GRIK4: variants seen among roughly 807,000 people sequenced by gnomAD.
The protein encoded by GRIK4 is glutamate ionotropic receptor kainate type subunit 4, also known as glutamate receptor ionotropic, kainate 4.
In GRIK4, 40 loss-of-function variants were observed where a neutral mutation model predicts 104.9. The observed-to-expected ratio is 0.38, with a 90% confidence interval of 0.30 to 0.50. GRIK4 has a LOEUF of 0.50. Ranked by LOEUF, GRIK4 falls within the 20% of genes least tolerant of loss-of-function variation. The probability of loss-of-function intolerance (pLI) is 0.93; values close to 1 mark genes in which losing one functional copy is unlikely to be tolerated. For missense variants in GRIK4, 1,047 were observed against 1,308.1 expected, an observed-to-expected ratio of 0.80 and a Z score of 3.08; for synonymous variants, 485 against 524.9, an observed-to-expected ratio of 0.92 and a Z score of 1.04.
chr11:120,767,287 C>G (rs1427865959), intron 3 of GRIK4, among the ~76,000 whole-genome samples: 1 of 151,974 alleles, frequency 6.6e-6, no homozygotes, highest in African/African-American at 2.4e-5. Flanking sequence ...TTTGTATTTC[C>G]CTGAGGATAA....
chr11:120,569,626 C>T (rs1948372481), intron 1 of GRIK4, among the ~76,000 whole-genome samples: 1 of 151,946 alleles, frequency 6.6e-6, no homozygotes, highest in Non-Finnish European at 1.5e-5. Flanking sequence ...GAGTAGCTTC[C>T]CTAAAGAGTA....
chr11:120,923,369 G>A (rs1035489588), intron 13 of GRIK4, among the ~76,000 whole-genome samples: 1 of 150,882 alleles, frequency 6.6e-6, no homozygotes, highest in African/African-American at 2.4e-5. Flanking sequence ...CACTTACTGA[G>A]CACTTGCCCC....
Position 120,967,434 on chromosome 11 carries a change from C to T in GRIK4, c.2395+111C>T. 2 of 1,175,176 alleles carry T rather than the reference C, an allele frequency of 1.7e-6. No individual in the cohort carries two copies. The highest frequency in any genetic ancestry group is 1.2e-6 in the Non-Finnish European group (1 of 848,704). The allele number at this position is 1,175,176 out of a possible 1,614,324, so 72.8% of individuals were successfully genotyped here. On this transcript the variant is annotated intron_variant, in intron 19 of 20. Transcript: ENST00000527524. The surrounding 1 kb of genome is among the most constrained non-coding windows in gnomAD (Gnocchi z 4.2). ...GACTTGTAGGACCCATTGAGAACGGCCTTGGAAGGAACCTAGGTATAAAGT... is the reference window on the plus strand; with the variant it reads ...GACTTGTAGGACCCATTGAGAACGGTCTTGGAAGGAACCTAGGTATAAAGT...
Position 120,988,554 on chromosome 11 carries a change from G to A in GRIK4, c.*2294G>A, listed in dbSNP as rs187083964. On this transcript the variant is annotated 3_prime_UTR_variant, in exon 21 of 21. Transcript: ENST00000527524. ...CTTTCTCCGTGTGGAATCAAGATAA[G>A]ACTGCCAGCACTAGACGGTTTCTGT... is the stretch of plus-strand genomic sequence containing the variant. 2 of 152,284 alleles carry A rather than the reference G, an allele frequency of 1.3e-5. No individual in the cohort carries two copies. The highest frequency in any genetic ancestry group is 3.9e-4 in the East Asian group (2 of 5,184). 9.4% of individuals were successfully genotyped at this position (152,284 alleles called of 1,614,324 possible).
intron 1 of GRIK4, among the ~76,000 whole-genome samples, chr11:120,547,013 C>T (rs1748376510): frequency 6.6e-6 from 1 of 152,228 alleles, no homozygotes; most frequent in Admixed American, 6.5e-5. Flanking sequence ...GCATGCAGAG[C>T]TCCACGTACC....
chr11:120,697,545 A>G (rs12276408), intron 3 of GRIK4, among the ~76,000 whole-genome samples: 38,340 of 151,166 alleles, frequency 0.25, 6,532 homozygotes, highest in African/African-American at 0.49. Flanking sequence ...AGCCCGAAAG[A>G]CAGAAGTTGT....
At chr11:120,861,345 T>A (rs1822617365) in intron 8 of GRIK4, among the ~76,000 whole-genome samples, 1 of 152,098 alleles carries the variant, frequency 6.6e-6, no homozygotes, top group Admixed American at 6.5e-5. Flanking sequence ...TGACCTCAAG[T>A]GATCCATCCT....
At chr11:120,973,784 A>T (rs2134771386) in intron 19 of GRIK4, among the ~76,000 whole-genome samples, 1 of 152,356 alleles carries the variant, frequency 6.6e-6, no homozygotes, top group Non-Finnish European at 1.5e-5. Context: ...CTAGCCCGAA[A>T]CGGGAGGTGC....
chr11:120,901,806 T>C (rs553916317), intron 12 of GRIK4, among the ~76,000 whole-genome samples: 24 of 152,324 alleles, frequency 1.6e-4, no homozygotes, highest in African/African-American at 5.8e-4. Flanking sequence ...CACAGGGTCC[T>C]GTTGCTAGTC....
At position 120,781,993 on chromosome 11, in the gene GRIK4, C is replaced by T. The variant is rs186655881; in HGVS notation, c.83-20700C>T. ...TCTCCTCCAACTTGGCATGTTCTTC[C>T]TCTCTCTCCTATGGCTTCTTCCTCC... On this transcript the variant is annotated intron_variant, in intron 3 of 20. Coordinates refer to ENST00000527524, the MANE Select transcript of GRIK4 (RefSeq NM_014619.5). Among the ~76,000 whole-genome samples, 241 of 152,238 alleles carry T rather than the reference C, an allele frequency of 1.6e-3. 1 individual carries two copies. Among genetic ancestry groups the T allele is most frequent in the African/African-American group, 5.7e-3 (236 of 41,544 alleles).
chr11:120,881,935 C>G (rs930575815), intron 11 of GRIK4, among the ~76,000 whole-genome samples: 2 of 152,190 alleles, frequency 1.3e-5, no homozygotes, highest in African/African-American at 4.8e-5. Flanking sequence ...TTTAGCAGAC[C>G]TGCTTCTCTG....
intron 13 of GRIK4, among the ~76,000 whole-genome samples, chr11:120,929,390 A>G (rs918778468): frequency 3.3e-5 from 5 of 151,922 alleles, no homozygotes; most frequent in African/African-American, 1.2e-4. Flanking sequence ...TTCTGATCCC[A>G]TTGCCCTGCA....
At chr11:120,955,486 C>T (rs1944122305) in intron 15 of GRIK4, among the ~76,000 whole-genome samples, 1 of 152,232 alleles carries the variant, frequency 6.6e-6, no homozygotes, top group Admixed American at 6.5e-5. Flanking sequence ...GGGTGCACAC[C>T]TGTGCATACA....
intron 3 of GRIK4, among the ~76,000 whole-genome samples, chr11:120,753,214 G>A (rs567437285): frequency 3.3e-5 from 5 of 152,248 alleles, no homozygotes; most frequent in Admixed American, 1.3e-4. Flanking sequence ...AATTTGGTGC[G>A]GAGCCTGAGG....
intron 1 of GRIK4, among the ~76,000 whole-genome samples, chr11:120,601,937 A>G (rs141761621): frequency 5.3e-5 from 8 of 152,178 alleles, no homozygotes; most frequent in African/African-American, 1.9e-4. Flanking sequence ...CTTCTTTTTA[A>G]ATGGGGAACC....
chr11:120,913,856 T>TTA (rs1555092503), intron 13 of GRIK4, among the ~76,000 whole-genome samples: 1 of 132,750 alleles, frequency 7.5e-6, no homozygotes, highest in Non-Finnish European at 1.6e-5. Context: ...TTTGCTGAAC[T>TTA]AAAAAAAAAA....
intron 3 of GRIK4, among the ~76,000 whole-genome samples, chr11:120,692,615 C>T (rs1217399047): frequency 3.3e-5 from 5 of 152,068 alleles, no homozygotes; most frequent in Non-Finnish European, 7.4e-5. Context: ...GAAGGTTGCT[C>T]CGGAGGAGAG....
At chr11:120,681,612 C>T (rs1950194386) in intron 3 of GRIK4, among the ~76,000 whole-genome samples, 1 of 152,204 alleles carries the variant, frequency 6.6e-6, no homozygotes, top group South Asian at 2.1e-4. Context: ...GCACAGAGGC[C>T]AAGGCCTGAT....
intron 3 of GRIK4, among the ~76,000 whole-genome samples, chr11:120,799,191 A>G (rs1470059282): frequency 6.6e-6 from 1 of 152,162 alleles, no homozygotes; most frequent in Non-Finnish European, 1.5e-5. Flanking sequence ...ATCTTACTAC[A>G]AGTGATTGTT....
Sources: gnomAD v4.1 joint callset for allele counts (sites outside exome capture counted in the v4.1 genomes callset) on GRCh38, gnomAD v4.1.1 for gene constraint, Gnocchi (gnomAD v3.1) non-coding constraint, MANE v1.5 for transcripts, NCBI Gene and HGNC (gene_info 2026-07-23, HGNC 2026-07-21) for gene names.